Variants in RFX7 observed in about 807,000 individuals in gnomAD.
RFX7 encodes the protein DNA-binding protein RFX7.
Under a neutral mutation model 111.8 loss-of-function variants are expected in RFX7, and 26 were observed. That is an observed-to-expected ratio of 0.23 (90% CI 0.17 to 0.32). The LOEUF (loss-of-function observed/expected upper bound fraction) is 0.32, where lower values mean the gene tolerates loss of function less well. Ranked by LOEUF, RFX7 falls within the 10% of genes least tolerant of loss-of-function variation. The probability of loss-of-function intolerance (pLI) is 1.00; values close to 1 mark genes in which losing one functional copy is unlikely to be tolerated. For missense variants in RFX7, 1,573 were observed against 1,772.9 expected (o/e 0.89, Z 2.02); for synonymous variants, 624 against 624.4 (o/e 1.00, Z 0.01).
intron 2 of RFX7, among the ~76,000 whole-genome samples, chr15:56,197,627 C>T (rs1596003161): frequency 6.6e-6 from 1 of 151,644 alleles, no homozygotes; most frequent in Middle Eastern, 3.4e-3. Flanking sequence ...GCCTGGTACA[C>T]GTTAGGCAAT....
intron 3 of RFX7, among the ~76,000 whole-genome samples, chr15:56,157,479 A>G (rs557370030): frequency 3.3e-5 from 5 of 152,330 alleles, no homozygotes; most frequent in South Asian, 2.1e-4. Flanking sequence ...TGCTACATCT[A>G]TATCATGGGA....
At chr15:56,140,297 G>C (rs1009916675) in intron 5 of RFX7, among the ~76,000 whole-genome samples, 12 of 152,344 alleles carry the variant, frequency 7.9e-5, no homozygotes, top group Non-Finnish European at 1.6e-4. Flanking sequence ...CTCTGAGCCA[G>C]GTGCGGGATA....
intron 2 of RFX7, among the ~76,000 whole-genome samples, chr15:56,186,037 T>C (rs1204081333): frequency 6.6e-6 from 1 of 152,214 alleles, no homozygotes; most frequent in Non-Finnish European, 1.5e-5. Context: ...TTTATTGATT[T>C]AGAGTCCTTG....
chr15:56,121,559 A>T (rs2042078809), intron 5 of RFX7, among the ~76,000 whole-genome samples: 1 of 152,020 alleles, frequency 6.6e-6, no homozygotes, highest in African/African-American at 2.4e-5. Context: ...TTGGATATTG[A>T]TATCTCTCTC....
intron 3 of RFX7, among the ~76,000 whole-genome samples, chr15:56,148,059 A>G (rs1246895702): frequency 1.3e-5 from 2 of 152,270 alleles, no homozygotes; most frequent in African/African-American, 4.8e-5. Context: ...ATATTATTCA[A>G]GTCTTTTGAA....
intron 3 of RFX7, among the ~76,000 whole-genome samples, chr15:56,153,622 A>G (rs1355817677): frequency 6.6e-6 from 1 of 152,202 alleles, no homozygotes; most frequent in Non-Finnish European, 1.5e-5. Flanking sequence ...TCAATAAACT[A>G]GGTATTGATG....
At chr15:56,166,566 C>T (rs1269007522) in intron 3 of RFX7, among the ~76,000 whole-genome samples, 1 of 152,048 alleles carries the variant, frequency 6.6e-6, no homozygotes, top group Non-Finnish European at 1.5e-5. Context: ...ATAGACCTTA[C>T]TATTTCATAA....
intron 7 of RFX7, 35 bp from the exon 8 acceptor site, chr15:56,101,601 AAGACCAG>A (rs2140526041): frequency 6.5e-7 from 1 of 1,530,028 alleles, no homozygotes; most frequent in East Asian, 2.2e-5. Context: ...TAACTTGTAA[AAGACCAG>A]AGAAATTAAA....
In RFX7 at chr15:56,095,848, G is replaced by A; in HGVS notation, c.1880C>T (p.Ala627Val). Residue 627 changes from alanine (A) to valine (V), a missense_variant, in exon 10 of 10, where the codon GCT becomes GTT. Transcript: ENST00000559447. ...GCTGGTGAAAGTTAAGTTCTGAGAA[G>A]CAACTGATAGAGTGATAGTGCTTTG... ...NNQSTITLSV[A>V]SQNLTFTSSS... 1 of 1,607,636 alleles carries A rather than the reference G, an allele frequency of 6.2e-7. No homozygotes were observed. The highest frequency in any genetic ancestry group is 8.5e-7 in the Non-Finnish European group (1 of 1,179,824).
At chr15:56,213,478 G>C (rs1302920423) in intron 2 of RFX7, among the ~76,000 whole-genome samples, 4 of 152,296 alleles carry the variant, frequency 2.6e-5, no homozygotes, top group Admixed American at 6.5e-5. Flanking sequence ...TTCTTGAAGT[G>C]ACAAAAGCTT....
At position 56,231,827 on chromosome 15, in the gene RFX7, A is replaced by G. The variant is rs562004073; in HGVS notation, c.161+11298T>C. On this transcript the variant is annotated intron_variant, in intron 2 of 9. Transcript: ENST00000559447. ...TACTTCCTAGATACAATGGGGGTAC[A>G]GGCATTGGATAAATACTACCATTCC... Among the ~76,000 whole-genome samples, 3 of 152,364 alleles carry G rather than the reference A, an allele frequency of 2.0e-5. No individual in the cohort carries two copies. In the East Asian group the frequency reaches 5.8e-4, roughly 29 times the overall value.
At chr15:56,141,576 A>G (rs1207406576) in intron 5 of RFX7, among the ~76,000 whole-genome samples, 1 of 148,914 alleles carries the variant, frequency 6.7e-6, no homozygotes, top group Non-Finnish European at 1.5e-5. Context: ...CTTTTACTGA[A>G]TTCAAATTTG....
chr15:56,135,975 A>G (rs1290054629), intron 5 of RFX7, among the ~76,000 whole-genome samples: 5 of 152,042 alleles, frequency 3.3e-5, no homozygotes. Flanking sequence ...ATTGATCTAT[A>G]TCTCTGTTTT....
At chr15:56,168,639 T>C (rs1413037191) in intron 3 of RFX7, among the ~76,000 whole-genome samples, 2 of 152,194 alleles carry the variant, frequency 1.3e-5, no homozygotes, top group African/African-American at 4.8e-5. Flanking sequence ...TCCTCTGGTT[T>C]AGACTAGAAA....
At position 56,087,357 on chromosome 15, in the gene RFX7, A is replaced by T. The variant is rs1018441115; in HGVS notation, c.*5988T>A. ...GGTAAGCAGTCAGGACTAGTTGGGCATCTTCCCTTCCAAAGTCATCATGCC... is the reference window on the plus strand; with the variant it reads ...GGTAAGCAGTCAGGACTAGTTGGGCTTCTTCCCTTCCAAAGTCATCATGCC... On this transcript the variant is annotated 3_prime_UTR_variant, in exon 10 of 10. Coordinates refer to ENST00000559447, the MANE Select transcript of RFX7 (RefSeq NM_022841.7). 4.4e-6 allele frequency: 2 copies of T among 453,350 alleles called. No homozygotes were observed. The highest frequency in any genetic ancestry group is 8.9e-6 in the Non-Finnish European group (2 of 224,884). 28.1% of individuals were successfully genotyped at this position (453,350 alleles called of 1,614,324 possible). A position where few individuals can be genotyped will look rare whatever the true frequency, so the allele number is the denominator to read the frequency against.
chr15:56,209,871 A>T (rs1436067464), intron 2 of RFX7, among the ~76,000 whole-genome samples: 1 of 151,232 alleles, frequency 6.6e-6, no homozygotes, highest in African/African-American at 2.4e-5. Context: ...AAAATGCTCA[A>T]TCAAAACCAC....
chr15:56,210,871 C>A (rs1014831403), intron 2 of RFX7, among the ~76,000 whole-genome samples: 2 of 151,944 alleles, frequency 1.3e-5, no homozygotes, highest in African/African-American at 4.8e-5. Flanking sequence ...ACCTAAGCTT[C>A]CATCGTAGGA....
rs755776857 is a variant in RFX7 at position 56,095,674 on chromosome 15, A to G, written c.2054T>C (p.Ile685Thr). ...AACACTGCCTTGTTTCTGCCCTTCT[A>G]TGGTAGCTGCTGAAAGCTGTTCCAC... ...PIVEQLSAAT[I>T]EGQKQGSVKK... is the part of the protein sequence containing the mutation. The change falls in exon 10 of 10, where the codon ATA becomes ACA. Residue 685 changes from isoleucine to threonine, a missense_variant. Around this residue, in one of 7 missense-constraint regions of RFX7, gnomAD observed 625 missense variants for 632.2 expected, o/e 0.99. Transcript: ENST00000559447. 9.9e-6 allele frequency: 16 copies of G among 1,613,788 alleles called. No homozygotes were observed. The highest frequency in any genetic ancestry group is 4.4e-5 in the South Asian group (4 of 91,072).
chr15:56,122,468 G>T (rs770911293), intron 5 of RFX7, among the ~76,000 whole-genome samples: 2 of 152,208 alleles, frequency 1.3e-5, no homozygotes, highest in Non-Finnish European at 2.9e-5. Context: ...CTGGGTCTGT[G>T]CTGGGTTAGA....
Sources: allele counts gnomAD v4.1 joint callset (sites outside exome capture counted in the v4.1 genomes callset), GRCh38; gene constraint gnomAD v4.1.1; regional missense constraint gnomAD v4.1.1; transcripts MANE v1.5; gene names NCBI Gene and HGNC (gene_info 2026-07-23, HGNC 2026-07-21).